Variants in DMD observed in about 807,000 individuals in gnomAD.
DMD encodes the protein dystrophin.
A neutral mutation model predicts 330.1 loss-of-function variants in DMD; 63 were observed. That is an observed-to-expected ratio of 0.19 (90% CI 0.16 to 0.24). The LOEUF (loss-of-function observed/expected upper bound fraction) is 0.24. Ranked by LOEUF, DMD falls within the 10% of genes least tolerant of loss-of-function variation. The probability of loss-of-function intolerance (pLI) is 1.00; values close to 1 mark genes in which losing one functional copy is unlikely to be tolerated. For synonymous variants in DMD, 1,223 were observed against 959.8 expected (o/e 1.27, Z -5.07); for missense variants, 3,344 against 2,684.1 (o/e 1.25, Z -5.43).
chrX:32,606,525 A>G (rs1448035596), intron 12 of DMD, among the ~76,000 whole-genome samples: 3 of 109,711 alleles, frequency 2.7e-5, no homozygotes, highest in African/African-American at 9.9e-5. Context: ...TTAAAACACA[A>G]CTATTGGATC....
chrX:31,406,832 T>C (rs2061419158), intron 60 of DMD, among the ~76,000 whole-genome samples: 1 of 111,422 alleles, frequency 9.0e-6, no homozygotes, highest in Non-Finnish European at 1.9e-5. Flanking sequence ...ATGTAGTTTG[T>C]AAAAGAAAGG....
intron 17 of DMD, among the ~76,000 whole-genome samples, chrX:32,532,147 A>G (rs925179398): frequency 2.7e-5 from 3 of 111,504 alleles, no homozygotes; most frequent in Non-Finnish European, 5.6e-5. Flanking sequence ...TGGAAAAAAA[A>G]GTTCAATTAT....
At chrX:31,435,286 T>G (rs17338542) in intron 60 of DMD, among the ~76,000 whole-genome samples, 10,773 of 111,681 alleles carry the variant, frequency 0.096, 462 homozygotes, top group East Asian at 0.32. Context: ...TCACTAAAAT[T>G]ATTTTCAAAT....
At chrX:32,092,314 C>T (rs1468335104) in intron 44 of DMD, among the ~76,000 whole-genome samples, 1 of 111,628 alleles carries the variant, frequency 9.0e-6, no homozygotes, top group Non-Finnish European at 1.9e-5. Flanking sequence ...TTACATTTGT[C>T]CACCCTGTGC....
chrX:31,420,526 T>C (rs2063311843), intron 60 of DMD, among the ~76,000 whole-genome samples: 1 of 112,638 alleles, frequency 8.9e-6, no homozygotes, highest in South Asian at 3.6e-4. Context: ...ACATCTGTTT[T>C]TTTTAATCAC....
chrX:31,259,479 C>T (rs2050298774), intron 63 of DMD, among the ~76,000 whole-genome samples: 1 of 111,511 alleles, frequency 9.0e-6, no homozygotes, highest in South Asian at 3.8e-4. Flanking sequence ...AATTATAAGC[C>T]AAAAACATTC....
At chrX:32,044,547 A>G (rs1161031817) in intron 44 of DMD, among the ~76,000 whole-genome samples, 2 of 109,875 alleles carry the variant, frequency 1.8e-5, no homozygotes, top group East Asian at 2.9e-4. Flanking sequence ...TCAGCCTCCC[A>G]AGTAGCTGAG....
At chrX:32,558,756 C>T (rs2050609670) in intron 16 of DMD, among the ~76,000 whole-genome samples, 1 of 110,684 alleles carries the variant, frequency 9.0e-6, no homozygotes, top group South Asian at 3.8e-4. Context: ...CAAGAGTTAA[C>T]TCAGACTGAA....
chrX:32,253,243 G>A (rs2148205510), intron 43 of DMD, among the ~76,000 whole-genome samples: 1 of 109,886 alleles, frequency 9.1e-6, no homozygotes, highest in South Asian at 3.8e-4. Flanking sequence ...GGTTTGGGGA[G>A]CTTATGACTG....
intron 52 of DMD, among the ~76,000 whole-genome samples, chrX:31,726,970 C>A (rs1278331800): frequency 9.0e-6 from 1 of 111,074 alleles, no homozygotes; most frequent in African/African-American, 3.3e-5. Flanking sequence ...TACAAACTTG[C>A]CCTCCGGTCA....
intron 44 of DMD, among the ~76,000 whole-genome samples, chrX:32,174,351 T>A (rs1193777602): frequency 8.9e-6 from 1 of 112,497 alleles, no homozygotes; most frequent in African/African-American, 3.2e-5. Flanking sequence ...TTTGGTGTTA[T>A]AGTACCTCAT....
intron 52 of DMD, among the ~76,000 whole-genome samples, chrX:31,697,181 C>T (rs1440541790): frequency 1.8e-5 from 2 of 111,290 alleles, no homozygotes; most frequent in African/African-American, 6.5e-5. Flanking sequence ...GACACTTCAC[C>T]CAGGAGACTG....
intron 44 of DMD, among the ~76,000 whole-genome samples, chrX:32,172,774 T>G (rs1247478308): frequency 1.8e-5 from 2 of 112,097 alleles, no homozygotes; most frequent in African/African-American, 3.2e-5. Flanking sequence ...CAACCTTGCT[T>G]ATATAAAGAG....
intron 43 of DMD, among the ~76,000 whole-genome samples, chrX:32,280,593 GC>G (rs1182689625): frequency 9.0e-6 from 1 of 111,244 alleles, no homozygotes; most frequent in Non-Finnish European, 1.9e-5. Flanking sequence ...TCCTGTATGT[GC>G]TTATCATGTA....
At chrX:32,280,208 G>A (rs983756503) in intron 43 of DMD, among the ~76,000 whole-genome samples, 72 of 93,880 alleles carry the variant, frequency 7.7e-4, no homozygotes, top group African/African-American at 2.5e-3. Context: ...ACCCACAAAC[G>A]TTAAAAATAA....
At chrX:31,954,201 C>A (rs1010366943) in intron 45 of DMD, among the ~76,000 whole-genome samples, 2 of 111,714 alleles carry the variant, frequency 1.8e-5, no homozygotes, top group Non-Finnish European at 3.8e-5. Context: ...AAAAATAGAT[C>A]ATCAAAAAAT....
chrX:31,272,656 GT>G (rs982222279), intron 62 of DMD, among the ~76,000 whole-genome samples: 1 of 112,095 alleles, frequency 8.9e-6, no homozygotes, highest in African/African-American at 3.2e-5. Flanking sequence ...ACACATTTTT[GT>G]AAAAAAATCA....
intron 45 of DMD, among the ~76,000 whole-genome samples, chrX:31,947,867 CCTT>C (rs201115792): frequency 3.7e-5 from 4 of 108,782 alleles, no homozygotes; most frequent in South Asian, 4.0e-4. Flanking sequence ...TTCTCCTTCT[CCTT>C]CTTCTTCTTC....
intron 44 of DMD, among the ~76,000 whole-genome samples, chrX:32,007,555 A>C (rs1200132760): frequency 1.8e-5 from 2 of 111,327 alleles, no homozygotes; most frequent in Admixed American, 1.9e-4. Context: ...TGCCAAGTGC[A>C]TACGAAATTT....
Sources: gnomAD v4.1 joint callset for allele counts (sites outside exome capture counted in the v4.1 genomes callset) on GRCh38, gnomAD v4.1.1 for gene constraint, MANE v1.5 for transcripts, NCBI Gene and HGNC (gene_info 2026-07-23, HGNC 2026-07-21) for gene names.